PRELID2: variants seen among roughly 807,000 people sequenced by gnomAD.
PRELID2 encodes the protein PRELI domain containing 2.
A neutral mutation model predicts 28.4 loss-of-function variants in PRELID2; 25 were observed. The observed-to-expected ratio is 0.88, with a 90% confidence interval of 0.64 to 1.23. PRELID2 has a LOEUF of 1.23. PRELID2 is among the 50% of genes most tolerant of loss of function. PRELID2 has a pLI of 0.00. For synonymous variants in PRELID2, 76 were observed against 71.6 expected, an observed-to-expected ratio of 1.06 and a Z score of -0.31; for missense variants, 201 against 214.4, an observed-to-expected ratio of 0.94 and a Z score of 0.39.
chr5:145,701,700 C>T (rs1161202761), intron 1 of PRELID2, among the ~76,000 whole-genome samples: 1 of 152,132 alleles, frequency 6.6e-6, no homozygotes, highest in Non-Finnish European at 1.5e-5. Context: ...GAACTATGTG[C>T]ATTTCAGCTT....
intron 4 of PRELID2, among the ~76,000 whole-genome samples, chr5:145,799,241 A>T (rs1752967778): frequency 6.6e-6 from 1 of 150,446 alleles, no homozygotes; most frequent in South Asian, 2.1e-4. Flanking sequence ...AAAAAAAAAA[A>T]ACCTACAAGA....
intron 1 of PRELID2, among the ~76,000 whole-genome samples, chr5:145,652,222 A>G (rs10054020): frequency 0.22 from 33,533 of 152,202 alleles, 6,978 homozygotes; most frequent in African/African-American, 0.54. Context: ...AAAAAGAAAC[A>G]AACAAAGCCT....
chr5:145,241,146 T>C, the PRELID2 span, among the ~76,000 whole-genome samples: 6 of 152,190 alleles, frequency 3.9e-5, no homozygotes, highest in African/African-American at 1.4e-4. Flanking sequence ...TGCTACTTGT[T>C]CTCTTGTTTC....
At chr5:145,630,160 G>GGATGGATGGATA (rs1030506390) in intron 1 of PRELID2, among the ~76,000 whole-genome samples, 2 of 152,096 alleles carry the variant, frequency 1.3e-5, no homozygotes, top group African/African-American at 4.8e-5. Flanking sequence ...ATGGATGGAT[G>GGATGGATGGATA]GATGAGTGGG....
chr5:145,724,291 TA>T (rs1444706863), intron 1 of PRELID2, among the ~76,000 whole-genome samples: 1 of 151,346 alleles, frequency 6.6e-6, no homozygotes, highest in Non-Finnish European at 1.5e-5. Flanking sequence ...ATTATGATCA[TA>T]AAAAAATCAG....
At chr5:145,440,917 G>A in the PRELID2 span, 1 of 152,132 alleles carries the variant, frequency 6.6e-6, no homozygotes, top group Non-Finnish European at 1.5e-5. Context: ...CATTAGGCTG[G>A]CCTTAAAAAC....
chr5:145,664,210 T>C (rs954296957), intron 1 of PRELID2, among the ~76,000 whole-genome samples: 1 of 152,202 alleles, frequency 6.6e-6, no homozygotes, highest in Admixed American at 6.5e-5. Context: ...TTTTCTTCTC[T>C]GAATTTTTTA....
intron 5 of PRELID2, among the ~76,000 whole-genome samples, chr5:145,769,439 T>C (rs528257477): frequency 3.5e-4 from 53 of 152,268 alleles, no homozygotes; most frequent in Non-Finnish European, 5.7e-4. Context: ...AAACACAAAC[T>C]TGTCTTAAGA....
chr5:145,654,997 AC>A (rs1754368625), intron 1 of PRELID2, among the ~76,000 whole-genome samples: 1 of 151,864 alleles, frequency 6.6e-6, no homozygotes, highest in South Asian at 2.1e-4. Flanking sequence ...TATGTAGAAA[AC>A]CCCATCGTCT....
At chr5:145,807,587 G>A (rs189022686) in intron 4 of PRELID2, among the ~76,000 whole-genome samples, 122 of 152,062 alleles carry the variant, frequency 8.0e-4, no homozygotes, top group African/African-American at 2.8e-3. Flanking sequence ...AAGAAGAGAA[G>A]CTCCCATATT....
chr5:145,614,105 C>A (rs1362350662), intron 1 of PRELID2, among the ~76,000 whole-genome samples: 1 of 152,060 alleles, frequency 6.6e-6, no homozygotes, highest in African/African-American at 2.4e-5. Flanking sequence ...TTTTTGTTTG[C>A]TTTGTCGAAG....
At chr5:145,764,189 A>T (rs1454427279) in intron 6 of PRELID2, among the ~76,000 whole-genome samples, 2 of 152,140 alleles carry the variant, frequency 1.3e-5, no homozygotes, top group East Asian at 1.9e-4. Flanking sequence ...TTCTTAAATA[A>T]CTCTGCCCTG....
At chr5:145,687,479 A>T (rs975438368) in intron 1 of PRELID2, among the ~76,000 whole-genome samples, 2 of 152,232 alleles carry the variant, frequency 1.3e-5, no homozygotes, top group Admixed American at 1.3e-4. Context: ...CAAATAAAGA[A>T]ATATGACCAC....
chr5:145,352,153 C>G, the PRELID2 span, among the ~76,000 whole-genome samples: 1 of 152,204 alleles, frequency 6.6e-6, no homozygotes, highest in Non-Finnish European at 1.5e-5. Context: ...GGCAATACCA[C>G]AGTGGGGACT....
At chr5:145,332,758 C>G in the PRELID2 span, among the ~76,000 whole-genome samples, 1 of 152,042 alleles carries the variant, frequency 6.6e-6, no homozygotes, top group Non-Finnish European at 1.5e-5. Context: ...CCTTCTGAAG[C>G]CTACTTCTGT....
chr5:145,673,422 G>T (rs1382551769), intron 1 of PRELID2, among the ~76,000 whole-genome samples: 1 of 151,660 alleles, frequency 6.6e-6, no homozygotes, highest in Non-Finnish European at 1.5e-5. Context: ...TATAATAAGG[G>T]TAACCATTAG....
the PRELID2 span, among the ~76,000 whole-genome samples, chr5:145,398,793 G>C: frequency 6.6e-6 from 1 of 152,012 alleles, no homozygotes; most frequent in African/African-American, 2.4e-5. Flanking sequence ...CAAAACATGT[G>C]AATGTGATAG....
At position 145,501,262 on chromosome 5, in the gene PRELID2, C is replaced by T. The variant is rs118127732; in HGVS notation, n.71-27947G>A. Among the ~76,000 whole-genome samples the T allele has an allele frequency of 6.1e-4, 93 of 152,288 alleles. No individual in the cohort carries two copies. In the East Asian group the frequency reaches 0.012, roughly 19 times the overall value. On this transcript the variant is annotated intron_variant and non_coding_transcript_variant, in intron 1 of 2. Coordinates refer to the PRELID2 transcript ENST00000510259. ...TTACTGTCCTATAAAACCCAGACTACTTGCAACAGTATGTCCTAAAGACAA... is the reference window on the plus strand; with the variant it reads ...TTACTGTCCTATAAAACCCAGACTATTTGCAACAGTATGTCCTAAAGACAA...
Position 145,796,376 on chromosome 5 carries a change from A to G in PRELID2, c.474+66T>C, listed in dbSNP as rs776904039. On this transcript the variant is annotated intron_variant, in intron 5 of 6. Coordinates refer to ENST00000683046, the MANE Select transcript of PRELID2 (RefSeq NM_205846.3). Reference sequence around the variant, plus strand: ...TATGTCTGCTCATGAGTCTTATTCAATAACCCTATTGGAACTCCTATTGTT... The same window carrying G: ...TATGTCTGCTCATGAGTCTTATTCAGTAACCCTATTGGAACTCCTATTGTT... 3.0e-6 allele frequency: 3 copies of G among 1,003,026 alleles called. No homozygotes were observed. In the Admixed American group the frequency reaches 5.8e-5, roughly 20 times the overall value. 62.1% of individuals were successfully genotyped at this position (1,003,026 alleles called of 1,614,324 possible). A position where few individuals can be genotyped will look rare whatever the true frequency, so the allele number is the denominator to read the frequency against.
Sources: gnomAD v4.1 joint callset for allele counts (sites outside exome capture counted in the v4.1 genomes callset) on GRCh38, gnomAD v4.1.1 for gene constraint, MANE v1.5 for transcripts, NCBI Gene and HGNC (gene_info 2026-07-23, HGNC 2026-07-21) for gene names.